The following FAM13A variants were observed in gnomAD, a reference collection of about 807,000 sequenced individuals.
The protein encoded by FAM13A is protein FAM13A.
A neutral mutation model predicts 129.6 loss-of-function variants in FAM13A; 76 were observed. The observed-to-expected ratio is 0.59, with a 90% CI of 0.49 to 0.71. The LOEUF is 0.71. Among genes scored for constraint, FAM13A ranks in the 30% least tolerant of loss-of-function variants. The pLI is 0.00. For synonymous variants in FAM13A, 443 were observed against 449.9 expected (o/e 0.98, Z 0.20); for missense variants, 1,108 against 1,249.3 (o/e 0.89, Z 1.70).
intron 7 of FAM13A, among the ~76,000 whole-genome samples, chr4:88,825,992 C>CCAG (rs1356047437): frequency 6.6e-6 from 1 of 152,116 alleles, no homozygotes; most frequent in Non-Finnish European, 1.5e-5. Flanking sequence ...TCTCTCTACC[C>CCAG]CAGCCACTGC....
intron 19 of FAM13A, among the ~76,000 whole-genome samples, chr4:88,745,610 T>C (rs975772352): frequency 6.6e-6 from 1 of 152,174 alleles, no homozygotes; most frequent in African/African-American, 2.4e-5. Context: ...TCTAAGCCTA[T>C]TGTGGAGAAG....
At chr4:88,920,417 C>G (rs565808296) in intron 5 of FAM13A, among the ~76,000 whole-genome samples, 4 of 152,188 alleles carry the variant, frequency 2.6e-5, no homozygotes, top group African/African-American at 7.2e-5. Context: ...CTGCAGCCAC[C>G]GCTGCTGATA....
chr4:88,806,027 A>G (rs931863053), intron 7 of FAM13A, among the ~76,000 whole-genome samples: 10 of 152,100 alleles, frequency 6.6e-5, no homozygotes, highest in Admixed American at 1.3e-4. Context: ...TTTCTTTAGT[A>G]TGTTTTATTT....
intron 3 of FAM13A, among the ~76,000 whole-genome samples, chr4:89,004,488 T>C (rs994747583): frequency 6.6e-6 from 1 of 152,208 alleles, no homozygotes; most frequent in Non-Finnish European, 1.5e-5. Flanking sequence ...AAGCACAGTT[T>C]CAATTAATTT....
intron 4 of FAM13A, among the ~76,000 whole-genome samples, chr4:88,982,399 G>A (rs943121053): frequency 8.5e-5 from 13 of 152,200 alleles, no homozygotes; most frequent in Admixed American, 4.6e-4. Flanking sequence ...TTAATTAAAT[G>A]CACATGGATT....
At chr4:88,933,820 CT>C (rs1246520597) in intron 5 of FAM13A, among the ~76,000 whole-genome samples, 4 of 152,262 alleles carry the variant, frequency 2.6e-5, no homozygotes. Flanking sequence ...ACCTAGTAAT[CT>C]TTTTAATACA....
At chr4:88,932,685 A>G (rs1165760491) in intron 5 of FAM13A, among the ~76,000 whole-genome samples, 1 of 152,220 alleles carries the variant, frequency 6.6e-6, no homozygotes, top group East Asian at 1.9e-4. Context: ...TTATATGGTA[A>G]GTGACTTTGA....
At chr4:88,735,156 G>T (rs1294158879) in intron 21 of FAM13A, among the ~76,000 whole-genome samples, 1 of 152,158 alleles carries the variant, frequency 6.6e-6, no homozygotes, top group Non-Finnish European at 1.5e-5. Flanking sequence ...AATACAGGCA[G>T]TGCTCTCAGG....
At position 88,945,990 on chromosome 4, in the gene FAM13A, G is replaced by GTATA. The variant is rs199936059; in HGVS notation, c.606-7753_606-7750dup. 1.2e-3 allele frequency among the ~76,000 whole-genome samples: 76 copies of GTATA among 61,934 alleles called. 5 individuals are homozygous for GTATA. Among genetic ancestry groups the GTATA allele is most frequent in the African/African-American group, 1.6e-3 (19 of 11,574 alleles). The allele number at this position is 61,934 out of a possible 152,430, so 40.6% of individuals were successfully genotyped here. A position where few individuals can be genotyped will look rare whatever the true frequency, so the allele number is the denominator to read the frequency against. ...TGTGTGTGTGTGTGTGTGTGTGTGT[G>GTATA]TATATATATATATATATATATATAT... On this transcript the variant is annotated intron_variant, in intron 4 of 23. Coordinates refer to ENST00000264344, the MANE Select transcript of FAM13A (RefSeq NM_014883.4).
chr4:88,904,108 C>A (rs1747761552), intron 6 of FAM13A, among the ~76,000 whole-genome samples: 1 of 151,998 alleles, frequency 6.6e-6, no homozygotes, highest in African/African-American at 2.4e-5. Flanking sequence ...ATTAAAAAGT[C>A]AAGAAAGAAC....
intron 4 of FAM13A, among the ~76,000 whole-genome samples, chr4:88,939,381 C>T (rs1241851806): frequency 2.0e-5 from 3 of 152,150 alleles, no homozygotes; most frequent in Non-Finnish European, 4.4e-5. Context: ...CTTAATCTCC[C>T]TCTACCCCAT....
rs115330294 is a variant in FAM13A, at chr4:88,733,224, A to G, written c.2647-1026T>C. Among the ~76,000 whole-genome samples the G allele has an allele frequency of 4.2e-3, 644 of 152,340 alleles. 1 individual carries two copies. Among genetic ancestry groups the G allele is most frequent in the African/African-American group, 0.015 (624 of 41,572 alleles). ...TGCAAATGGTTCATGGTAAATTTTG[A>G]TATGTTTAATAAGGGTGTTTCTGAA... On this transcript the variant is annotated intron_variant, in intron 21 of 23. Transcript: ENST00000264344.
At chr4:88,996,723 T>C (rs1056631541) in intron 3 of FAM13A, among the ~76,000 whole-genome samples, 13 of 152,080 alleles carry the variant, frequency 8.5e-5, no homozygotes, top group Non-Finnish European at 1.3e-4. Flanking sequence ...GAAGGTCTCC[T>C]TGAAATGTAG....
At chr4:88,866,326 G>T (rs1240722687) in intron 6 of FAM13A, among the ~76,000 whole-genome samples, 1 of 152,108 alleles carries the variant, frequency 6.6e-6, no homozygotes. Flanking sequence ...GATTACAGGC[G>T]TGAGGCACTG....
At chr4:88,857,950 T>G (rs1738834416) in intron 6 of FAM13A, among the ~76,000 whole-genome samples, 1 of 152,230 alleles carries the variant, frequency 6.6e-6, no homozygotes, top group Admixed American at 6.5e-5. Flanking sequence ...AACAATCAGC[T>G]GATACTATAA....
At chr4:88,736,104 G>A (rs908056692) in intron 21 of FAM13A, among the ~76,000 whole-genome samples, 4 of 152,034 alleles carry the variant, frequency 2.6e-5, no homozygotes, top group Admixed American at 1.3e-4. Flanking sequence ...GACATTACCA[G>A]CCAGACAAAA....
chr4:88,894,345 A>C (rs1465298239), intron 6 of FAM13A, among the ~76,000 whole-genome samples: 3 of 152,180 alleles, frequency 2.0e-5, no homozygotes, highest in Non-Finnish European at 2.9e-5. Context: ...TTCTTACTGA[A>C]AGTTAATATT....
intron 13 of FAM13A, among the ~76,000 whole-genome samples, chr4:88,765,518 C>T (rs1745573900): frequency 1.3e-5 from 2 of 152,040 alleles, no homozygotes; most frequent in South Asian, 4.1e-4. Context: ...TACTAGAAAA[C>T]TAGATTAAAT....
intron 3 of FAM13A, among the ~76,000 whole-genome samples, chr4:89,017,906 C>A (rs1766717235): frequency 6.6e-6 from 1 of 152,074 alleles, no homozygotes; most frequent in Non-Finnish European, 1.5e-5. Context: ...CCGTTGACAA[C>A]CAGAACAAAC....
Sources: allele counts gnomAD v4.1 joint callset (sites outside exome capture counted in the v4.1 genomes callset), GRCh38; gene constraint gnomAD v4.1.1; transcripts MANE v1.5; gene names NCBI Gene and HGNC (gene_info 2026-07-23, HGNC 2026-07-21).